ZFPM2: variants seen among roughly 807,000 people sequenced by gnomAD.
ZFPM2 encodes the protein zinc finger protein ZFPM2.
ZFPM2 carries 20 observed loss-of-function variants against 98.6 expected under a neutral mutation model. The observed-to-expected ratio is 0.20, with a 90% CI of 0.14 to 0.29. The LOEUF is 0.29. Ranked by LOEUF, ZFPM2 falls within the 10% of genes least tolerant of loss-of-function variation. ZFPM2 has a pLI of 1.00. For missense variants in ZFPM2, 1,310 were observed against 1,388.6 expected, an observed-to-expected ratio of 0.94 and a Z score of 0.90; for synonymous variants, 518 against 502.7, an observed-to-expected ratio of 1.03 and a Z score of -0.41.
intron 4 of ZFPM2, among the ~76,000 whole-genome samples, chr8:105,603,366 A>G (rs997593966): frequency 6.6e-6 from 1 of 152,168 alleles, no homozygotes; most frequent in African/African-American, 2.4e-5. Flanking sequence ...CTGAGGACAG[A>G]ATAAAAACTT....
intron 4 of ZFPM2, among the ~76,000 whole-genome samples, chr8:105,583,671 T>A (rs1388601401): frequency 1.3e-5 from 2 of 152,122 alleles, no homozygotes; most frequent in South Asian, 2.1e-4. Flanking sequence ...GAGGTGCCAA[T>A]GGCAGTAAAA....
chr8:105,655,359 G>T (rs1314897583), intron 5 of ZFPM2, among the ~76,000 whole-genome samples: 1 of 151,226 alleles, frequency 6.6e-6, no homozygotes, highest in African/African-American at 2.4e-5. Context: ...AGCCATCTGA[G>T]TAGCTGGGAT....
intron 3 of ZFPM2, among the ~76,000 whole-genome samples, chr8:105,505,350 A>G (rs1813677553): frequency 6.6e-6 from 1 of 152,186 alleles, no homozygotes; most frequent in African/African-American, 2.4e-5. Flanking sequence ...GAAGTTTAAG[A>G]ACTGCAACTT....
chr8:105,752,601 C>T (rs1278146361), intron 5 of ZFPM2, among the ~76,000 whole-genome samples: 1 of 152,120 alleles, frequency 6.6e-6, no homozygotes, highest in African/African-American at 2.4e-5. Context: ...CATAATTTAT[C>T]ATAATCGTAT....
At chr8:105,785,004 C>G (rs1344525637) in intron 5 of ZFPM2, 3 of 129,064 alleles carry the variant, frequency 2.3e-5, no homozygotes, top group Non-Finnish European at 4.4e-5. Context: ...TAAATATAAC[C>G]TCTTGGTACA....
Position 105,803,143 on chromosome 8 carries a change from T to G in ZFPM2, c.3061T>G (p.Ser1021Ala). Residue 1021 changes from serine (S) to alanine (A), a missense_variant, in exon 8 of 8, where the codon TCA becomes GCA. By Grantham distance (99) the Ser-to-Ala change is moderately conservative (BLOSUM62 1). Transcript: ENST00000407775. ...ENESPKGQAS[S>A]NGCAALKKDS... is the part of the protein sequence containing the mutation. ...TGAATCTCCTAAAGGCCAGGCTTCC[T>G]CAAATGGGTGTGCTGCGCTGAAGAA... 1.9e-6 allele frequency: 3 copies of G among 1,613,926 alleles called. No individual in the cohort carries two copies. The highest frequency in any genetic ancestry group is 2.5e-6 in the Non-Finnish European group (3 of 1,179,864).
chr8:105,509,540 G>C (rs1259294319), intron 3 of ZFPM2, among the ~76,000 whole-genome samples: 1 of 152,090 alleles, frequency 6.6e-6, no homozygotes, highest in Non-Finnish European at 1.5e-5. Context: ...TAAAGTCTTT[G>C]GTACATTGAT....
intron 3 of ZFPM2, among the ~76,000 whole-genome samples, chr8:105,499,095 T>G (rs2130462558): frequency 6.6e-6 from 1 of 152,216 alleles, no homozygotes; most frequent in East Asian, 1.9e-4. Flanking sequence ...TGTCCCCTCT[T>G]GCTCTCCCTT....
chr8:105,761,051 G>C (rs542812513), intron 5 of ZFPM2, among the ~76,000 whole-genome samples: 85 of 152,014 alleles, frequency 5.6e-4, no homozygotes, highest in African/African-American at 2.0e-3. Flanking sequence ...CACAACAAAG[G>C]TATATCATCT....
intron 6 of ZFPM2, among the ~76,000 whole-genome samples, chr8:105,792,744 A>T (rs1042093933): frequency 2.6e-4 from 40 of 152,136 alleles, no homozygotes; most frequent in African/African-American, 9.7e-4. Flanking sequence ...GTCACTCACG[A>T]CTTGCTTTAT....
chr8:105,803,122 T>C lies in ZFPM2; in HGVS notation c.3040T>C (p.Ser1014Pro). Residue 1014 changes from serine to proline, a missense_variant, in exon 8 of 8, where the codon TCT becomes CCT. By Grantham distance (74) the Ser-to-Pro change is moderately conservative. Coordinates refer to ENST00000407775, the MANE Select transcript of ZFPM2 (RefSeq NM_012082.4). Reference sequence around the variant, plus strand: ...GCAAAGCAGAAATGCAGAAAATGAATCTCCTAAAGGCCAGGCTTCCTCAAA... The same window carrying C: ...GCAAAGCAGAAATGCAGAAAATGAACCTCCTAAAGGCCAGGCTTCCTCAAA... Reference protein sequence around the residue: ...IEQSRNAENESPKGQASSNGC... With the variant: ...IEQSRNAENEPPKGQASSNGC... The C allele has an allele frequency of 6.2e-7, 1 of 1,613,814 alleles. No individual in the cohort carries two copies. Among genetic ancestry groups the C allele is most frequent in the Non-Finnish European group, 8.5e-7 (1 of 1,179,852 alleles).
intron 4 of ZFPM2, among the ~76,000 whole-genome samples, chr8:105,566,387 G>T (rs1276005871): frequency 2.0e-5 from 3 of 151,952 alleles, no homozygotes; most frequent in Admixed American, 6.6e-5. Flanking sequence ...TGAAAGTTTT[G>T]CAGTTTTATT....
chr8:105,531,013 T>A (rs972793640), intron 3 of ZFPM2, among the ~76,000 whole-genome samples: 3 of 152,170 alleles, frequency 2.0e-5, no homozygotes, highest in Non-Finnish European at 4.4e-5. Flanking sequence ...AACTCCTTTT[T>A]CTAAGAAATA....
chr8:105,724,579 G>A, intron 5 of ZFPM2, among the ~76,000 whole-genome samples: 1 of 151,844 alleles, frequency 6.6e-6, no homozygotes. Context: ...GGCATTTTAA[G>A]CAGATACTAC....
chr8:105,482,995 T>TTTCCTTCCTTCCTTCCTTCCTTTCTTCC (rs1813153179), intron 3 of ZFPM2, among the ~76,000 whole-genome samples: 2 of 51,406 alleles, frequency 3.9e-5, no homozygotes, highest in Non-Finnish European at 6.8e-5. Context: ...CCCCCCATCC[T>TTTCCTTCCTTCCTTCCTTCCTTTCTTCC]TTCCTTCCTT....
intron 4 of ZFPM2, among the ~76,000 whole-genome samples, chr8:105,575,297 T>C (rs1395879154): frequency 1.3e-5 from 2 of 152,176 alleles, no homozygotes; most frequent in African/African-American, 4.8e-5. Flanking sequence ...TGGCAGGGTT[T>C]TGTGAAAGGA....
chr8:105,469,025 T>G (rs1812846972), intron 3 of ZFPM2, among the ~76,000 whole-genome samples: 1 of 152,044 alleles, frequency 6.6e-6, no homozygotes, highest in South Asian at 2.1e-4. Flanking sequence ...AAATTCTCAC[T>G]TGTCCCATAG....
chr8:105,389,625 G>C (rs1252761546), intron 1 of ZFPM2, among the ~76,000 whole-genome samples: 1 of 152,190 alleles, frequency 6.6e-6, no homozygotes, highest in Non-Finnish European at 1.5e-5. Flanking sequence ...ATTTTACCCA[G>C]CTGGTATATG....
chr8:105,372,251 C>T (rs1181783827), intron 1 of ZFPM2, among the ~76,000 whole-genome samples: 1 of 151,798 alleles, frequency 6.6e-6, no homozygotes, highest in African/African-American at 2.4e-5. Flanking sequence ...ACCGTGTTAG[C>T]CAGGATGGTC....
Sources: allele counts gnomAD v4.1 joint callset (sites outside exome capture counted in the v4.1 genomes callset), GRCh38; gene constraint gnomAD v4.1.1; transcripts MANE v1.5; gene names NCBI Gene and HGNC (gene_info 2026-07-23, HGNC 2026-07-21).